The following TPO variants were observed in gnomAD, a reference collection of about 807,000 sequenced individuals.
TPO encodes the protein thyroid peroxidase.
TPO carries 78 observed loss-of-function variants against 96.9 expected under a neutral mutation model. The observed-to-expected ratio is 0.81, with a 90% CI of 0.67 to 0.97. TPO has a LOEUF of 0.97. TPO is among the 50% of genes least tolerant of loss of function. The pLI, the probability that TPO is intolerant of heterozygous loss-of-function variation, is 0.00. For missense variants in TPO, 1,252 were observed against 1,274.8 expected, an observed-to-expected ratio of 0.98 and a Z score of 0.27; for synonymous variants, 547 against 538.0, an observed-to-expected ratio of 1.02 and a Z score of -0.23.
intron 15 of TPO, among the ~76,000 whole-genome samples, chr2:1,538,058 T>G (rs1171488293): frequency 1.5e-5 from 1 of 66,952 alleles, no homozygotes; most frequent in African/African-American, 8.7e-5. Flanking sequence ...CCTCCTCAAA[T>G]CCCCCACACT....
At chr2:1,538,021 C>T (rs79395127) in intron 15 of TPO, among the ~76,000 whole-genome samples, 5,738 of 100,148 alleles carry the variant, frequency 0.057, 609 homozygotes, top group African/African-American at 0.2. Flanking sequence ...TACTGTGTGC[C>T]ACCTCAAGTC....
intron 1 of TPO, among the ~76,000 whole-genome samples, chr2:1,400,637 A>G (rs1662153881): frequency 6.8e-6 from 1 of 146,574 alleles, no homozygotes; most frequent in Admixed American, 6.8e-5. Context: ...AAAAAAAAAC[A>G]AATTTCACTT....
At chr2:1,536,938 T>C (rs539874174) in intron 15 of TPO, among the ~76,000 whole-genome samples, 1 of 65,950 alleles carries the variant, frequency 1.5e-5, no homozygotes, top group African/African-American at 6.3e-5. Context: ...CCCCCCAATG[T>C]GAGCAACCTC....
At chr2:1,380,319 G>A (rs566744472) in intron 1 of TPO, among the ~76,000 whole-genome samples, 97 of 151,214 alleles carry the variant, frequency 6.4e-4, no homozygotes, top group African/African-American at 2.2e-3. Flanking sequence ...GCATGAACCC[G>A]GGAGGCAGAG....
At position 1,455,596 on chromosome 2, in the gene TPO, C is replaced by A. The variant is rs528256569; in HGVS notation, c.613-480C>A. On this transcript the variant is annotated intron_variant, in intron 6 of 16. Coordinates refer to ENST00000329066, the MANE Select transcript of TPO (RefSeq NM_001206744.2). ...TAAACATAACAGCAACAGATGTCTG[C>A]GTGGAGAATGGAAAGGAAGGGGAGT... Among the ~76,000 whole-genome samples the A allele has an allele frequency of 2.6e-5, 4 of 152,222 alleles. No homozygotes were observed. The South Asian group carries it at 8.3e-4, about 32-fold the overall frequency.
intron 12 of TPO, among the ~76,000 whole-genome samples, 160 bp downstream of exon 12, chr2:1,496,357 G>A (rs1028707644): frequency 6.6e-6 from 1 of 151,344 alleles, no homozygotes; most frequent in African/African-American, 2.5e-5. Context: ...GGGCGGGGCG[G>A]GGCGGGGCCC....
chr2:1,500,657 A>G (rs1404698825), intron 13 of TPO, among the ~76,000 whole-genome samples: 1 of 152,042 alleles, frequency 6.6e-6, no homozygotes, highest in East Asian at 1.9e-4. Context: ...ATTCACTCAA[A>G]CTCATTCACA....
At chr2:1,512,262 T>C (rs1429829045) in intron 14 of TPO, 1 of 334,192 alleles carries the variant, frequency 3.0e-6, no homozygotes, top group Non-Finnish European at 4.3e-6. Context: ...ATGTATTTCC[T>C]ACATCTTAAG....
At chr2:1,509,481 G>A (rs1201758100) in intron 14 of TPO, among the ~76,000 whole-genome samples, 1 of 151,716 alleles carries the variant, frequency 6.6e-6, no homozygotes, top group East Asian at 2.0e-4. Context: ...CTTGTTTGAG[G>A]GACACCCCAC....
intron 14 of TPO, among the ~76,000 whole-genome samples, chr2:1,512,997 C>T (rs573827410): frequency 6.6e-6 from 1 of 152,322 alleles, no homozygotes; most frequent in South Asian, 2.1e-4. Context: ...CACACACGTC[C>T]CTGATGAAAG....
At chr2:1,542,258 A>T in intron 16 of TPO, 163 bp from the exon 17 acceptor site, 1 of 992,016 alleles carries the variant, frequency 1.0e-6, no homozygotes, top group Non-Finnish European at 1.5e-6. Flanking sequence ...CGGAAGCCAG[A>T]AACTTCCCTC....
chr2:1,428,721 T>A (rs1664679595), intron 3 of TPO, among the ~76,000 whole-genome samples: 1 of 152,174 alleles, frequency 6.6e-6, no homozygotes, highest in Non-Finnish European at 1.5e-5. Context: ...TCCAGAGAAT[T>A]CTTGTTCTTC....
At chr2:1,425,461 A>T (rs998441519) in intron 3 of TPO, among the ~76,000 whole-genome samples, 6 of 151,998 alleles carry the variant, frequency 3.9e-5, no homozygotes, top group African/African-American at 1.2e-4. Flanking sequence ...CGGGATACAG[A>T]GATGCGTTAG....
At chr2:1,510,128 A>G (rs894461113) in intron 14 of TPO, among the ~76,000 whole-genome samples, 6 of 152,174 alleles carry the variant, frequency 3.9e-5, no homozygotes, top group African/African-American at 1.2e-4. Flanking sequence ...AGCACTCTCA[A>G]TCATGGAAAA....
rs1234875187 is a variant in TPO, at chr2:1,500,971, CA to C, written c.2387-2960del. Among the ~76,000 whole-genome samples the C allele has an allele frequency of 3.4e-3, 371 of 110,444 alleles. 2 individuals are homozygous for C. The highest frequency in any genetic ancestry group is 9.2e-3 in the African/African-American group (268 of 29,034). The allele number at this position is 110,444 out of a possible 152,430, so 72.5% of individuals were successfully genotyped here. ...TGGGCAACAGAGTGAGACTCCCTCT[CA>C]AAAAAAAAAAAAAAAACTGGCAAAT... On this transcript the variant is annotated intron_variant, in intron 13 of 16. Coordinates refer to ENST00000329066, the MANE Select transcript of TPO (RefSeq NM_001206744.2).
At chr2:1,500,971 CAA>C (rs1234875187) in intron 13 of TPO, among the ~76,000 whole-genome samples, 10 of 110,444 alleles carry the variant, frequency 9.1e-5, no homozygotes, top group African/African-American at 2.4e-4. Context: ...GACTCCCTCT[CAA>C]AAAAAAAAAA....
chr2:1,395,176 C>T (rs1662061373), intron 1 of TPO, among the ~76,000 whole-genome samples: 1 of 152,144 alleles, frequency 6.6e-6, no homozygotes, highest in Non-Finnish European at 1.5e-5. Flanking sequence ...CAGGCAGCTC[C>T]ACTCCCAGGT....
chr2:1,510,154 C>G (rs548164523), intron 14 of TPO, among the ~76,000 whole-genome samples: 2 of 151,564 alleles, frequency 1.3e-5, no homozygotes, highest in South Asian at 4.2e-4. Context: ...AACAGCAGCT[C>G]TTGCATTCAG....
chr2:1,476,409 A>G (rs1669938976), intron 7 of TPO, among the ~76,000 whole-genome samples: 1 of 152,176 alleles, frequency 6.6e-6, no homozygotes, highest in South Asian at 2.1e-4. Context: ...AAAATATTTT[A>G]GATCTCCATG....
Sources: gnomAD v4.1 joint callset for allele counts (sites outside exome capture counted in the v4.1 genomes callset) on GRCh38, gnomAD v4.1.1 for gene constraint, MANE v1.5 for transcripts, NCBI Gene and HGNC (gene_info 2026-07-23, HGNC 2026-07-21) for gene names.